Variants in TECPR2 observed in about 807,000 individuals in gnomAD.
TECPR2 encodes tectonin beta-propeller repeat containing 2, also known as tectonin beta-propeller repeat-containing protein 2.
A neutral mutation model predicts 138.1 loss-of-function variants in TECPR2; 65 were observed. The ratio of observed to expected loss-of-function variants is 0.47; its 90% CI spans 0.39 to 0.58. The LOEUF is 0.58. Among genes scored for constraint, TECPR2 ranks in the 20% least tolerant of loss-of-function variants. The pLI, the probability that TECPR2 is intolerant of heterozygous loss-of-function variation, is 0.00. For missense variants in TECPR2, 1,553 were observed against 1,824.5 expected, an observed-to-expected ratio of 0.85 and a Z score of 2.71; for synonymous variants, 746 against 749.8, an observed-to-expected ratio of 0.99 and a Z score of 0.08.
intron 17 of TECPR2, among the ~76,000 whole-genome samples, chr14:102,474,088 T>G (rs1038732861): frequency 1.3e-5 from 2 of 151,884 alleles, no homozygotes; most frequent in African/African-American, 2.4e-5. Context: ...TGAGACCCCG[T>G]CTCTACAGGT....
chr14:102,440,650 T>C, intron 11 of TECPR2, 41 bp downstream of exon 11: 2 of 1,596,484 alleles, frequency 1.3e-6, no homozygotes, highest in Non-Finnish European at 8.5e-7. Flanking sequence ...AGCTCTGCCG[T>C]CACTGCCTCT....
Position 102,460,884 on chromosome 14 carries a change from A to G in TECPR2, c.3641-4257A>G, listed in dbSNP as rs923322519. ...TAATTTTTTTGTATTTTTAGTAGAG[A>G]TGGGGCTTCACCGTGTTAGCCAGGA... On this transcript the variant is annotated intron_variant, in intron 16 of 19. Transcript: ENST00000359520. Among the ~76,000 whole-genome samples, 5 of 151,598 alleles carry G rather than the reference A, an allele frequency of 3.3e-5. No homozygotes were observed. The South Asian group carries it at 6.2e-4, about 19-fold the overall frequency.
At chr14:102,412,928 C>A (rs2139700911) in intron 4 of TECPR2, among the ~76,000 whole-genome samples, 1 of 152,208 alleles carries the variant, frequency 6.6e-6, no homozygotes, top group East Asian at 1.9e-4. Flanking sequence ...AACCCCATTT[C>A]TACCAAAAAA....
At chr14:102,425,724 T>C (rs1443446583) in intron 6 of TECPR2, among the ~76,000 whole-genome samples, 1 of 148,860 alleles carries the variant, frequency 6.7e-6, no homozygotes, top group South Asian at 2.2e-4. Context: ...TACAGACGCA[T>C]GCCACCACGC....
At chr14:102,391,463 G>T (rs1392678018) in intron 2 of TECPR2, among the ~76,000 whole-genome samples, 2 of 152,088 alleles carry the variant, frequency 1.3e-5, no homozygotes, top group Non-Finnish European at 2.9e-5. Flanking sequence ...GGTGGGGTGG[G>T]GTATGTAGTC....
At chr14:102,464,047 A>T (rs1422449121) in intron 16 of TECPR2, among the ~76,000 whole-genome samples, 2 of 152,360 alleles carry the variant, frequency 1.3e-5, no homozygotes, top group South Asian at 4.1e-4. Flanking sequence ...AGGCTGACCC[A>T]GGTCCAAACC....
At chr14:102,398,565 A>C (rs1277398476) in intron 2 of TECPR2, among the ~76,000 whole-genome samples, 1 of 152,066 alleles carries the variant, frequency 6.6e-6, no homozygotes. Flanking sequence ...AAAAGCGAAA[A>C]CCAAAGAACC....
chr14:102,443,712 A>G lies in TECPR2; in HGVS notation c.2818A>G (p.Ile940Val). The G allele has an allele frequency of 6.2e-7, 1 of 1,612,760 alleles. No homozygotes were observed. Among genetic ancestry groups the G allele is most frequent in the Non-Finnish European group, 8.5e-7 (1 of 1,179,024 alleles). The part of the protein sequence containing the change: ...KVDCPYPLSQ[I>V]TARNNVVWAL... ...GGACTGTCCCTACCCGCTGTCCCAG[A>G]TCACAGCCCGGAACAATGTGGTGTG... The change falls in exon 12 of 20, where the codon ATC becomes GTC. Residue 940 changes from isoleucine (I) to valine (V), a missense_variant. By Grantham distance (29) the Ile-to-Val change is conservative (BLOSUM62 3). Transcript: ENST00000359520. The surrounding 1 kb of genome is among the most constrained non-coding windows in gnomAD (Gnocchi z 4.9).
chr14:102,372,983 A>G (rs747089857), intron 1 of TECPR2, among the ~76,000 whole-genome samples: 9 of 152,204 alleles, frequency 5.9e-5, no homozygotes, highest in Non-Finnish European at 1.3e-4. Flanking sequence ...ATTTTTAAAA[A>G]GTTAAATAAA....
intron 1 of TECPR2, among the ~76,000 whole-genome samples, chr14:102,363,516 C>T (rs1206194263): frequency 6.6e-6 from 1 of 151,860 alleles, no homozygotes; most frequent in Non-Finnish European, 1.5e-5. Flanking sequence ...AGCCCGCGTC[C>T]CTTACATCCG....
In TECPR2 at chr14:102,437,872, CAG is replaced by C. The variant is rs566423921; in HGVS notation, c.2395-149_2395-148del. On this transcript the variant is annotated intron_variant, in intron 9 of 19. Coordinates refer to ENST00000359520, the MANE Select transcript of TECPR2 (RefSeq NM_014844.5). Reference sequence around the variant, plus strand: ...GTAGTAGAGGGGTGTCCACAGATAGCAGGGGTTGGGAGAAGGGTTGACTTGGC... The same window carrying C: ...GTAGTAGAGGGGTGTCCACAGATAGCGGGTTGGGAGAAGGGTTGACTTGGC... The C allele has an allele frequency of 4.3e-4, 375 of 863,234 alleles. 5 individuals carry two copies. In the African/African-American group the frequency reaches 5.9e-3, roughly 13 times the overall value. The allele number at this position is 863,234 out of a possible 1,614,324, so 53.5% of individuals were successfully genotyped here.
chr14:102,449,414 C>T (rs1326071132), intron 13 of TECPR2, among the ~76,000 whole-genome samples: 1 of 152,204 alleles, frequency 6.6e-6, no homozygotes, highest in African/African-American at 2.4e-5. Flanking sequence ...TCCAACCCTA[C>T]GAAGGAGCTG....
chr14:102,408,477 C>G lies in TECPR2; in HGVS notation c.349-11C>G. 1.3e-6 allele frequency: 2 copies of G among 1,593,270 alleles called. No homozygotes were observed. The highest frequency in any genetic ancestry group is 1.7e-6 in the Non-Finnish European group (2 of 1,174,362). On this transcript the variant is annotated splice_polypyrimidine_tract_variant and intron_variant, in intron 3 of 19. Transcript: ENST00000359520. ...TTTTTTCTTGTGTATATTTTTATCC[C>G]TTGTTCATAGCTTCGGAGATTTGAT... is the stretch of plus-strand genomic sequence containing the variant.
At chr14:102,383,132 C>CA in intron 2 of TECPR2, among the ~76,000 whole-genome samples, 1 of 152,302 alleles carries the variant, frequency 6.6e-6, no homozygotes, top group South Asian at 2.1e-4. Context: ...AGATACAGAA[C>CA]ATTTCCAGCA....
At chr14:102,459,174 T>A (rs1325184207) in intron 16 of TECPR2, among the ~76,000 whole-genome samples, 3 of 151,918 alleles carry the variant, frequency 2.0e-5, no homozygotes, top group African/African-American at 7.3e-5. Flanking sequence ...CCAGTGATGC[T>A]CCCACATCAG....
At chr14:102,369,707 C>T (rs1326599334) in intron 1 of TECPR2, among the ~76,000 whole-genome samples, 1 of 151,860 alleles carries the variant, frequency 6.6e-6, no homozygotes, top group East Asian at 1.9e-4. Context: ...TTTGGGAGGC[C>T]GAGGCGGGTG....
At chr14:102,409,608 G>A (rs1888766584) in intron 4 of TECPR2, among the ~76,000 whole-genome samples, 1 of 150,678 alleles carries the variant, frequency 6.6e-6, no homozygotes, top group Non-Finnish European at 1.5e-5. Context: ...CAAGAATTCA[G>A]CAATTATTAG....
In TECPR2 at chr14:102,420,961, T is replaced by C. The variant is rs895354763; in HGVS notation, c.639-4018T>C. ...TGGCGCTTCCAGATGCTGATGTGAT[T>C]GTTCACACAGGTCAGCACAGTGTTA... On this transcript the variant is annotated intron_variant, in intron 5 of 19. Coordinates refer to ENST00000359520, the MANE Select transcript of TECPR2 (RefSeq NM_014844.5). The surrounding 1 kb of genome is among the most constrained non-coding windows in gnomAD (Gnocchi z 4.1). Among the ~76,000 whole-genome samples the C allele has an allele frequency of 6.6e-6, 1 of 152,212 alleles. No individual in the cohort carries two copies. The highest frequency in any genetic ancestry group is 1.5e-5 in the Non-Finnish European group (1 of 68,036).
Position 102,424,997 on chromosome 14 carries a change from T to C in TECPR2, c.657T>C (p.Ala219=). 1 of 1,606,730 alleles carries C rather than the reference T, an allele frequency of 6.2e-7. No homozygotes were observed. Among genetic ancestry groups the C allele is most frequent in the Non-Finnish European group, 8.5e-7 (1 of 1,176,272 alleles). ...ATTTTAGTACTGGGAAATTTGGTGC[T>C]TGTTTTATACCAGGACTCTGTAAGC... ...QPRKSTGKFG[A]CFIPGLCKQS... The change falls in exon 6 of 20, where the codon GCT becomes GCC. Residue 219 remains alanine, a synonymous_variant. Coordinates refer to ENST00000359520, the MANE Select transcript of TECPR2 (RefSeq NM_014844.5).
Sources: gnomAD v4.1 joint callset for allele counts (sites outside exome capture counted in the v4.1 genomes callset) on GRCh38, gnomAD v4.1.1 for gene constraint, Gnocchi (gnomAD v3.1) non-coding constraint, MANE v1.5 for transcripts, NCBI Gene and HGNC (gene_info 2026-07-23, HGNC 2026-07-21) for gene names.